SH3PXD2A: variants seen among roughly 807,000 people sequenced by gnomAD.
SH3PXD2A encodes SH3 and PX domain-containing protein 2A.
In SH3PXD2A, 32 loss-of-function variants were observed where a neutral mutation model predicts 115.2. The observed-to-expected ratio is 0.28, with a 90% CI of 0.21 to 0.37. The LOEUF (loss-of-function observed/expected upper bound fraction) is 0.37. SH3PXD2A is among the 10% of genes least tolerant of loss of function. The probability of loss-of-function intolerance (pLI) is 1.00; values close to 1 mark genes in which losing one functional copy is unlikely to be tolerated. For missense variants in SH3PXD2A, 1,328 were observed against 1,498.7 expected (o/e 0.89, Z 1.88); for synonymous variants, 610 against 629.1 (o/e 0.97, Z 0.45).
At chr10:103,719,675 GT>G (rs1333790255) in intron 5 of SH3PXD2A, among the ~76,000 whole-genome samples, 3 of 150,232 alleles carry the variant, frequency 2.0e-5, no homozygotes, top group African/African-American at 7.4e-5. Flanking sequence ...TTATAACAGA[GT>G]ACCTTCTTAC....
At chr10:103,722,882 C>T (rs1213785447) in intron 5 of SH3PXD2A, among the ~76,000 whole-genome samples, 4 of 152,222 alleles carry the variant, frequency 2.6e-5, no homozygotes, top group Admixed American at 1.3e-4. Context: ...CTGAGGCAGC[C>T]ATCAGTGAAG....
chr10:103,740,969 T>G (rs1200225569), intron 3 of SH3PXD2A, among the ~76,000 whole-genome samples: 3 of 151,870 alleles, frequency 2.0e-5, no homozygotes, highest in African/African-American at 7.3e-5. Context: ...GGGAAGGGAG[T>G]GGGCACGGGA....
intron 1 of SH3PXD2A, among the ~76,000 whole-genome samples, chr10:103,824,219 G>A (rs887789654): frequency 3.5e-4 from 54 of 152,300 alleles, no homozygotes; most frequent in Admixed American, 1.5e-3. Context: ...TGTTTCTTTC[G>A]GTGGCTTGGA....
At chr10:103,642,147 CT>C (rs35382988) in intron 8 of SH3PXD2A, among the ~76,000 whole-genome samples, 2,051 of 141,030 alleles carry the variant, frequency 0.015, 15 homozygotes, top group African/African-American at 0.026. Flanking sequence ...AGCAATTTGC[CT>C]TTTTTTTTTT....
At chr10:103,671,770 G>A (rs756954642) in intron 6 of SH3PXD2A, among the ~76,000 whole-genome samples, 1 of 152,210 alleles carries the variant, frequency 6.6e-6, no homozygotes, top group South Asian at 2.1e-4. Context: ...GGAGCAGTGG[G>A]GGGGAGGCGG....
At chr10:103,795,670 G>T (rs915466560) in intron 2 of SH3PXD2A, among the ~76,000 whole-genome samples, 34 of 152,284 alleles carry the variant, frequency 2.2e-4, no homozygotes, top group African/African-American at 8.2e-4. Context: ...ACCTTCCTTT[G>T]TTACATCTGG....
intron 1 of SH3PXD2A, among the ~76,000 whole-genome samples, chr10:103,816,421 A>G (rs536819705): frequency 8.5e-5 from 13 of 152,260 alleles, no homozygotes; most frequent in Non-Finnish European, 1.8e-4. Flanking sequence ...CAAAGTCATT[A>G]GCAATTAGGG....
chr10:103,669,271 A>T (rs2037426723), intron 6 of SH3PXD2A, among the ~76,000 whole-genome samples: 1 of 152,202 alleles, frequency 6.6e-6, no homozygotes, highest in African/African-American at 2.4e-5. Context: ...AAGCAGAAGG[A>T]CAGGGACCTT....
chr10:103,682,682 G>T (rs998779550), intron 6 of SH3PXD2A, among the ~76,000 whole-genome samples: 1 of 151,870 alleles, frequency 6.6e-6, no homozygotes, highest in Non-Finnish European at 1.5e-5. Context: ...GCTTGAACCT[G>T]GGAGGCAGAG....
chr10:103,855,475 GA>G lies in SH3PXD2A; in HGVS notation c.-210del. On this transcript the variant is annotated 5_prime_UTR_variant, in exon 1 of 15. Transcript: ENST00000369774. ...CGCGCGGGCTCCGTGCGCCCCGGGG[GA>G]CTCCCCGCCGGCCTGCCGCGCGCCC... 1 of 169,334 alleles carries G rather than the reference GA, an allele frequency of 5.9e-6. No homozygotes were observed. The highest frequency in any genetic ancestry group is 2.0e-4 in the South Asian group (1 of 5,032). The allele number at this position is 169,334 out of a possible 1,614,324, so 10.5% of individuals were successfully genotyped here.
intron 4 of SH3PXD2A, among the ~76,000 whole-genome samples, chr10:103,728,897 G>GTTTTTTTTT (rs57283527): frequency 1.5e-5 from 2 of 135,904 alleles, no homozygotes; most frequent in African/African-American, 5.4e-5. Context: ...TTGTTTGTTT[G>GTTTTTTTTT]TTTTTTTTTT....
rs1391573822 is a variant in SH3PXD2A, at chr10:103,611,595, T to C, written c.1294A>G (p.Arg432Gly). The C allele has an allele frequency of 1.2e-6, 2 of 1,613,838 alleles. No homozygotes were observed. The highest frequency in any genetic ancestry group is 2.7e-5 in the African/African-American group (2 of 74,938). The change falls in exon 13 of 15, where the codon AGA (arginine) becomes GGA (glycine). Residue 432 changes from arginine to glycine, a missense_variant. Transcript: ENST00000369774. Reference protein sequence around the residue: ...PNLRTRPPPRRESSLGFQLPK... With the variant: ...PNLRTRPPPRGESSLGFQLPK... ...AGTACACATACCAGGCTGGATTCTC[T>C]GCGTGGTGGAGGTCTTGTCCGTAGG...
chr10:103,666,259 G>A lies in SH3PXD2A; in HGVS notation c.472+2349C>T, dbSNP rs1468102614. 2.0e-5 allele frequency among the ~76,000 whole-genome samples: 3 copies of A among 152,132 alleles called. No homozygotes were observed. Among genetic ancestry groups the A allele is most frequent in the Admixed American group, 6.5e-5 (1 of 15,278 alleles). ...CACATGTATCGAGCACCCACTAGGC[G>A]CCAACACCCAACACCACTGCTCCAT... On this transcript the variant is annotated intron_variant, in intron 7 of 14. Coordinates refer to ENST00000369774, the MANE Select transcript of SH3PXD2A (RefSeq NM_001394015.1). This position sits in a 1 kb window ranked among gnomAD's most constrained non-coding sequence, Gnocchi z 4.5.
chr10:103,611,522 T>C (rs1386165810), intron 13 of SH3PXD2A, 59 bp downstream of exon 13: 14 of 1,441,136 alleles, frequency 9.7e-6, no homozygotes, highest in Admixed American at 1.7e-5. Flanking sequence ...ATTGATCGGG[T>C]GGCTATAGCG....
chr10:103,633,406 A>G (rs1490403403), intron 8 of SH3PXD2A, among the ~76,000 whole-genome samples: 1 of 151,650 alleles, frequency 6.6e-6, no homozygotes, highest in African/African-American at 2.4e-5. Context: ...ACAGAGTGAG[A>G]CTCTGTCTGA....
intron 1 of SH3PXD2A, among the ~76,000 whole-genome samples, chr10:103,811,713 T>C (rs1459537828): frequency 6.6e-6 from 1 of 152,230 alleles, no homozygotes; most frequent in African/African-American, 2.4e-5. Context: ...ATGATCTATC[T>C]GTCAATACTG....
chr10:103,640,271 C>T (rs1461513804), intron 8 of SH3PXD2A, among the ~76,000 whole-genome samples: 2 of 151,744 alleles, frequency 1.3e-5, no homozygotes, highest in African/African-American at 4.8e-5. Context: ...GCCAAGATCG[C>T]ACCACTGCAC....
At position 103,596,663 on chromosome 10, in the gene SH3PXD2A, A is replaced by ACACACACACACACTCACACACACTCTCT; in HGVS notation, c.*5152_*5153insAGAGAGTGTGTGTGAGTGTGTGTGTGTG. On this transcript the variant is annotated 3_prime_UTR_variant, in exon 15 of 15. Transcript: ENST00000369774. ...CACACACACACACACACACACACAC[A>ACACACACACACACTCACACACACTCTCT]CTCTCTCTCTCTCTCTCTCTCTCAC... 8.0e-6 allele frequency: 1 copy of ACACACACACACACTCACACACACTCTCT among 124,440 alleles called. No individual in the cohort carries two copies. Among genetic ancestry groups the ACACACACACACACTCACACACACTCTCT allele is most frequent in the South Asian group, 2.9e-4 (1 of 3,426 alleles). 7.7% of individuals were successfully genotyped at this position (124,440 alleles called of 1,614,324 possible).
chr10:103,605,721 A>G, intron 14 of SH3PXD2A, 77 bp downstream of exon 14: 1 of 1,570,814 alleles, frequency 6.4e-7, no homozygotes, highest in Non-Finnish European at 8.7e-7. Context: ...TCTTACTAGC[A>G]AGGCCTAAAA....
Sources: allele counts gnomAD v4.1 joint callset (sites outside exome capture counted in the v4.1 genomes callset), GRCh38; gene constraint gnomAD v4.1.1; non-coding constraint Gnocchi (gnomAD v3.1); transcripts MANE v1.5; gene names NCBI Gene and HGNC (gene_info 2026-07-23, HGNC 2026-07-21).